Variants in ZBTB25 observed in about 807,000 individuals in gnomAD.
The protein encoded by ZBTB25 is zinc finger and BTB domain-containing protein 25.
In ZBTB25, 20 loss-of-function variants were observed where a neutral mutation model predicts 34.2. The observed-to-expected ratio is 0.58, with a 90% confidence interval of 0.41 to 0.85. The LOEUF is 0.85. Ranked by LOEUF, ZBTB25 falls within the 40% of genes least tolerant of loss-of-function variation. The pLI is 0.00. For missense variants in ZBTB25, 437 were observed against 521.8 expected, an observed-to-expected ratio of 0.84 and a Z score of 1.58; for synonymous variants, 175 against 186.4, an observed-to-expected ratio of 0.94 and a Z score of 0.50.
upstream of ZBTB25, chr14:64,505,111 G>C (rs1050877631): frequency 2.9e-6 from 1 of 348,810 alleles, no homozygotes; most frequent in African/African-American, 2.1e-5. Flanking sequence ...CGGCTGCCAG[G>C]CCGCCTGCTT....
rs1389015012 is a variant in ZBTB25, at chr14:64,488,668, A to C, written c.174-611T>G. Among the ~76,000 whole-genome samples, 6 of 152,362 alleles carry C rather than the reference A, an allele frequency of 3.9e-5. No individual in the cohort carries two copies. In the East Asian group the frequency reaches 1.2e-3, roughly 29 times the overall value. On this transcript the variant is annotated intron_variant, in intron 2 of 2. Coordinates refer to ENST00000608382, the MANE Select transcript of ZBTB25 (RefSeq NM_006977.5). ...GCTAAGTAAAATAAGCCAGACACAAAAGGACAAGTATTATATAAAATATCT... is the reference window on the plus strand; with the variant it reads ...GCTAAGTAAAATAAGCCAGACACAACAGGACAAGTATTATATAAAATATCT...
intron 1 of ZBTB25, among the ~76,000 whole-genome samples, chr14:64,500,274 G>C (rs575378124): frequency 6.6e-6 from 1 of 151,994 alleles, no homozygotes; most frequent in African/African-American, 2.4e-5. Flanking sequence ...TTTCGCAATG[G>C]AAGTATACTC....
At chr14:64,489,301 A>G (rs894770044) in intron 2 of ZBTB25, among the ~76,000 whole-genome samples, 2 of 89,094 alleles carry the variant, frequency 2.2e-5, no homozygotes, top group Non-Finnish European at 6.2e-5. Flanking sequence ...TAAAAAAAAC[A>G]AAAGTGTTAT....
intron 1 of ZBTB25, among the ~76,000 whole-genome samples, chr14:64,497,435 G>C (rs1370015876): frequency 1.3e-5 from 2 of 152,134 alleles, no homozygotes; most frequent in Non-Finnish European, 2.9e-5. Flanking sequence ...GAGCTTAGAA[G>C]TTACATTTGA....
At chr14:64,494,494 G>A (rs2079198718) in intron 1 of ZBTB25, among the ~76,000 whole-genome samples, 2 of 152,188 alleles carry the variant, frequency 1.3e-5, no homozygotes, top group Admixed American at 1.3e-4. Flanking sequence ...TTAGCCAGGT[G>A]TGGTAGCACA....
upstream of ZBTB25, chr14:64,504,582 C>T (rs1177900044): frequency 4.3e-6 from 1 of 232,792 alleles, no homozygotes; most frequent in Non-Finnish European, 8.3e-6. Flanking sequence ...GACGCAGAAA[C>T]TTGTTGCAAC....
upstream of ZBTB25, chr14:64,504,532 G>T: frequency 5.8e-6 from 1 of 173,656 alleles, no homozygotes; most frequent in South Asian, 2.0e-4. Context: ...CCGCCGCGAC[G>T]GCCCCCGCGG....
At chr14:64,489,724 C>T (rs537378445) in intron 2 of ZBTB25, among the ~76,000 whole-genome samples, 183 of 150,084 alleles carry the variant, frequency 1.2e-3, no homozygotes, top group African/African-American at 4.0e-3. Context: ...TTAGTAGAGA[C>T]GGGGTTTCAC....
chr14:64,459,721 GCTT>G (rs1415111616), intron 2 of ZBTB25: 25 of 1,059,736 alleles, frequency 2.4e-5, no homozygotes, highest in Non-Finnish European at 3.0e-5. Context: ...TTCAGTGCTT[GCTT>G]AGAGAAAACA....
chr14:64,503,839 G>A, upstream of ZBTB25: 1 of 154,964 alleles, frequency 6.5e-6, no homozygotes. Flanking sequence ...GGGGAAAGAG[G>A]GGCGCCAGGG....
intron 2 of ZBTB25, among the ~76,000 whole-genome samples, chr14:64,449,981 G>A (rs969365508): frequency 7.2e-5 from 11 of 152,138 alleles, no homozygotes; most frequent in Non-Finnish European, 1.6e-4. Flanking sequence ...TAGTAGAGAT[G>A]GGGTTTCACC....
intron 1 of ZBTB25, 158 bp downstream of exon 1, chr14:64,503,503 G>A: frequency 1.0e-6 from 1 of 985,396 alleles, no homozygotes; most frequent in Non-Finnish European, 1.2e-6. Flanking sequence ...TTCCTCCTGT[G>A]CCCTGCCTGA....
At position 64,480,481 on chromosome 14, in the gene ZBTB25, C is replaced by A; in HGVS notation, c.*6442G>T. The A allele has an allele frequency of 3.4e-6, 1 of 297,022 alleles. No homozygotes were observed. Among genetic ancestry groups the A allele is most frequent in the Non-Finnish European group, 6.7e-6 (1 of 148,904 alleles). The allele number at this position is 297,022 out of a possible 1,614,324, so 18.4% of individuals were successfully genotyped here. On this transcript the variant is annotated 3_prime_UTR_variant, in exon 3 of 3. Transcript: ENST00000608382. ...TTATGGTCGGTAAGAATTAGGTCCA[C>A]AAATGCATTTTTGCATCACACCTCC...
Position 64,487,719 on chromosome 14 carries a change from G to C in ZBTB25, c.512C>G (p.Ser171Cys), listed in dbSNP as rs377285050. 1 of 1,613,716 alleles carries C rather than the reference G, an allele frequency of 6.2e-7. No homozygotes were observed. Among genetic ancestry groups the C allele is most frequent in the Non-Finnish European group, 8.5e-7 (1 of 1,179,908 alleles). ...VQGDHPQLQLSLAIGLDDGTA... is the reference protein window; with the variant it reads ...VQGDHPQLQLCLAIGLDDGTA... The stretch of plus-strand genomic sequence containing the variant: ...GCCATCATCCAGACCAATAGCAAGA[G>C]ACAACTGCAACTGGGGGTGGTCACC... The change falls in exon 3 of 3, where the codon TCT becomes TGT. Residue 171 changes from serine (S) to cysteine (C), a missense_variant. Physicochemically the swap from Ser to Cys is moderately radical, Grantham distance 112 (BLOSUM62 -1). Transcript: ENST00000608382.
intron 2 of ZBTB25, among the ~76,000 whole-genome samples, chr14:64,453,105 T>C (rs2078402361): frequency 6.6e-6 from 1 of 151,938 alleles, no homozygotes; most frequent in African/African-American, 2.4e-5. Context: ...TAGCGAGAGA[T>C]TTTAAATATG....
chr14:64,486,480 TC>T lies in ZBTB25; in HGVS notation c.*442del. The T allele has an allele frequency of 2.1e-6, 2 of 965,898 alleles. No homozygotes were observed. The highest frequency in any genetic ancestry group is 2.5e-6 in the Non-Finnish European group (2 of 811,752). 59.8% of individuals were successfully genotyped at this position (965,898 alleles called of 1,614,324 possible). Reference sequence around the variant, plus strand: ...TTATGCATTAAAGTAACTATTAATTTCCTATATGGAAGAAAATATTTAAAAA... The same window carrying T: ...TTATGCATTAAAGTAACTATTAATTTCTATATGGAAGAAAATATTTAAAAA... On this transcript the variant is annotated 3_prime_UTR_variant, in exon 3 of 3. Coordinates refer to ENST00000608382, the MANE Select transcript of ZBTB25 (RefSeq NM_006977.5).
intron 1 of ZBTB25, chr14:64,503,382 C>A: frequency 1.0e-6 from 1 of 985,430 alleles, no homozygotes; most frequent in South Asian, 4.7e-5. Context: ...CGGCTCTGCA[C>A]CTTCGCGGCA....
At chr14:64,499,791 TCTG>T (rs1168672753) in intron 1 of ZBTB25, among the ~76,000 whole-genome samples, 1 of 152,192 alleles carries the variant, frequency 6.6e-6, no homozygotes, top group Non-Finnish European at 1.5e-5. Context: ...TGAGGTAAAA[TCTG>T]CTGTAATTCC....
At chr14:64,504,687 T>C, upstream of ZBTB25, 1 of 361,658 alleles carries the variant, frequency 2.8e-6, no homozygotes, top group Non-Finnish European at 4.9e-6. Context: ...AGCGAACTGG[T>C]GGGCAGACCC....
Sources: gnomAD v4.1 joint callset for allele counts (sites outside exome capture counted in the v4.1 genomes callset) on GRCh38, gnomAD v4.1.1 for gene constraint, MANE v1.5 for transcripts, NCBI Gene and HGNC (gene_info 2026-07-23, HGNC 2026-07-21) for gene names.